Variants in MAPRE1 observed in about 807,000 individuals in gnomAD.
MAPRE1 encodes microtubule-associated protein RP/EB family member 1.
Under a neutral mutation model 32.1 loss-of-function variants are expected in MAPRE1, and 5 were observed. That is an observed-to-expected ratio of 0.16 (90% confidence interval 0.08 to 0.33). The LOEUF (loss-of-function observed/expected upper bound fraction) is 0.33. Among genes scored for constraint, MAPRE1 ranks in the 10% least tolerant of loss-of-function variants. The pLI, the probability that MAPRE1 is intolerant of heterozygous loss-of-function variation, is 1.00. For missense variants in MAPRE1, 209 were observed against 327.2 expected (o/e 0.64, Z 2.79); for synonymous variants, 122 against 118.9 (o/e 1.03, Z -0.17).
intron 5 of MAPRE1, among the ~76,000 whole-genome samples, chr20:32,845,676 C>G (rs2146140845): frequency 6.6e-6 from 1 of 152,160 alleles, no homozygotes. Context: ...AAAGATGGAG[C>G]CTTGCTATGT....
chr20:32,832,462 G>C (rs1983057942), intron 2 of MAPRE1, among the ~76,000 whole-genome samples: 2 of 145,498 alleles, frequency 1.4e-5, no homozygotes, highest in South Asian at 2.1e-4. Context: ...TATTACAGTA[G>C]TCTCTTTTTT....
At position 32,833,766 on chromosome 20, in the gene MAPRE1, C is replaced by T. The variant is rs1983106561; in HGVS notation, c.171C>T (p.Ala57=). 6.2e-7 allele frequency: 1 copy of T among 1,613,886 alleles called. No individual in the cohort carries two copies. The highest frequency in any genetic ancestry group is 8.5e-7 in the Non-Finnish European group (1 of 1,179,962). ...ACATGCTGTTCCCTGGCTCCATTGC[C>T]TTGAAGAAAGTGAAATTCCAAGCTA... is the stretch of plus-strand genomic sequence containing the variant. ...FMDMLFPGSI[A]LKKVKFQAKL... The change falls in exon 3 of 7, where the codon GCC becomes GCT. Residue 57 remains alanine, a synonymous_variant. Transcript: ENST00000375571.
intron 6 of MAPRE1, among the ~76,000 whole-genome samples, chr20:32,847,132 C>T (rs554751560): frequency 1.3e-5 from 2 of 152,326 alleles, no homozygotes; most frequent in East Asian, 3.9e-4. Context: ...TATCAGGGCC[C>T]GGGGCATGCC....
At chr20:32,821,751 A>G (rs1353075757) in intron 1 of MAPRE1, among the ~76,000 whole-genome samples, 1 of 152,130 alleles carries the variant, frequency 6.6e-6, no homozygotes, top group Non-Finnish European at 1.5e-5. Flanking sequence ...GGTGCCTTGA[A>G]AGTAATAGAG....
chr20:32,840,413 C>T (rs1983328114), intron 5 of MAPRE1, among the ~76,000 whole-genome samples: 2 of 151,990 alleles, frequency 1.3e-5, no homozygotes, highest in South Asian at 4.2e-4. Flanking sequence ...CCCACTAATC[C>T]TTGTAATTGG....
chr20:32,825,560 C>G (rs1456645137), intron 1 of MAPRE1, among the ~76,000 whole-genome samples: 1 of 152,096 alleles, frequency 6.6e-6, no homozygotes, highest in African/African-American at 2.4e-5. Context: ...TTTGGGAGGC[C>G]AAGGTGAGTG....
intron 4 of MAPRE1, among the ~76,000 whole-genome samples, chr20:32,837,870 G>A (rs1601167983): frequency 1.3e-5 from 2 of 152,114 alleles, no homozygotes; most frequent in African/African-American, 2.4e-5. Context: ...GATCACTTGA[G>A]GTCAGGAGTT....
At chr20:32,835,628 C>G (rs2146131321) in intron 3 of MAPRE1, among the ~76,000 whole-genome samples, 1 of 151,098 alleles carries the variant, frequency 6.6e-6, no homozygotes, top group East Asian at 1.9e-4. Context: ...TTTTTTGAGA[C>G]AGAGTCTCAC....
chr20:32,837,292 G>A (rs1458599623), intron 4 of MAPRE1, among the ~76,000 whole-genome samples: 3 of 143,430 alleles, frequency 2.1e-5, no homozygotes, highest in Non-Finnish European at 4.7e-5. Context: ...GACTGCTCTT[G>A]GCTGTCTGTG....
At chr20:32,826,236 T>TTTTTTTTTTTTTTGA (rs1491215602) in intron 2 of MAPRE1, among the ~76,000 whole-genome samples, 188 bp downstream of exon 2, 5 of 104,986 alleles carry the variant, frequency 4.8e-5, no homozygotes, top group African/African-American at 2.0e-4. Flanking sequence ...TTTTTTTTTT[T>TTTTTTTTTTTTTTGA]GACAGAGTCT....
At chr20:32,843,005 A>C (rs1314657341) in intron 5 of MAPRE1, 1 of 152,164 alleles carries the variant, frequency 6.6e-6, no homozygotes, top group Non-Finnish European at 1.5e-5. Context: ...GAACATTGAG[A>C]GGCTAAGTTT....
intron 1 of MAPRE1, among the ~76,000 whole-genome samples, chr20:32,822,857 A>G (rs1240249454): frequency 1.3e-5 from 2 of 152,186 alleles, no homozygotes; most frequent in Admixed American, 1.3e-4. Context: ...TCATTGTGGG[A>G]CTTCCTATCA....
chr20:32,832,517 AGTGC>A (rs1427294967), intron 2 of MAPRE1, among the ~76,000 whole-genome samples: 2 of 137,740 alleles, frequency 1.5e-5, no homozygotes, highest in African/African-American at 5.6e-5. Context: ...CCCAGGCTGG[AGTGC>A]AGTGATGTGA....
At chr20:32,844,439 C>CT (rs71190880) in intron 5 of MAPRE1, among the ~76,000 whole-genome samples, 4,424 of 51,710 alleles carry the variant, frequency 0.086, 1,260 homozygotes, top group South Asian at 0.12. Flanking sequence ...GCTAGCATTC[C>CT]TTTTTTTTTT....
At chr20:32,846,059 G>A (rs572081589) in intron 5 of MAPRE1, among the ~76,000 whole-genome samples, 5 of 152,206 alleles carry the variant, frequency 3.3e-5, no homozygotes, top group Non-Finnish European at 7.3e-5. Flanking sequence ...GACTATGAGT[G>A]TTATAACTTT....
At position 32,839,751 on chromosome 20, in the gene MAPRE1, C is replaced by G. The variant is rs1276968138; in HGVS notation, c.492C>G (p.Ile164Met). The G allele has an allele frequency of 3.1e-6, 5 of 1,614,154 alleles. No individual in the cohort carries two copies. The South Asian group carries it at 4.4e-5, about 14-fold the overall frequency. The stretch of plus-strand genomic sequence containing the variant: ...CTTTTTCAGCTCCCCAGAGGCCCAT[C>G]TCAACACAGAGAACCGCTGCGGCTC... Reference protein sequence around the residue: ...TSSSAAPQRPISTQRTAAAPK... With the variant: ...TSSSAAPQRPMSTQRTAAAPK... The change falls in exon 5 of 7, where the codon ATC becomes ATG. Residue 164 changes from isoleucine (I) to methionine (M), a missense_variant. Transcript: ENST00000375571.
chr20:32,828,328 G>A (rs1982924276), intron 2 of MAPRE1, among the ~76,000 whole-genome samples: 1 of 152,198 alleles, frequency 6.6e-6, no homozygotes. Context: ...ACTGGAGCCA[G>A]CTTTTTACCA....
intron 1 of MAPRE1, among the ~76,000 whole-genome samples, chr20:32,822,358 T>TTAAACAAG (rs1457088134): frequency 6.6e-6 from 1 of 152,212 alleles, no homozygotes; most frequent in Non-Finnish European, 1.5e-5. Context: ...TTCAAGGATT[T>TTAAACAAG]TAAACAAGGG....
chr20:32,838,444 C>T (rs777842892), intron 4 of MAPRE1, among the ~76,000 whole-genome samples: 7 of 152,130 alleles, frequency 4.6e-5, no homozygotes, highest in Non-Finnish European at 7.3e-5. Context: ...CTGCTGTGAA[C>T]GTTCATATAC....
Sources: allele counts gnomAD v4.1 joint callset (sites outside exome capture counted in the v4.1 genomes callset), GRCh38; gene constraint gnomAD v4.1.1; transcripts MANE v1.5; gene names NCBI Gene and HGNC (gene_info 2026-07-23, HGNC 2026-07-21).